The following RIPOR2 variants were observed in gnomAD, a reference collection of about 807,000 sequenced individuals.
RIPOR2 encodes rho family-interacting cell polarization regulator 2.
RIPOR2 carries 39 observed loss-of-function variants against 114.5 expected under a neutral mutation model. The ratio of observed to expected loss-of-function variants is 0.34; its 90% CI spans 0.26 to 0.44. The LOEUF is 0.44. Among genes scored for constraint, RIPOR2 ranks in the 20% least tolerant of loss-of-function variants. The probability of loss-of-function intolerance (pLI) is 1.00; values close to 1 mark genes in which losing one functional copy is unlikely to be tolerated. For missense variants in RIPOR2, 1,007 were observed against 1,255.1 expected (o/e 0.80, Z 2.99); for synonymous variants, 445 against 484.4 (o/e 0.92, Z 1.07).
chr6:24,894,041 A>C (rs920291289), intron 1 of RIPOR2, among the ~76,000 whole-genome samples: 1 of 152,160 alleles, frequency 6.6e-6, no homozygotes, highest in Non-Finnish European at 1.5e-5. Flanking sequence ...CGAGCTACCA[A>C]AGAATTTAGT....
intron 17 of RIPOR2, among the ~76,000 whole-genome samples, chr6:24,830,013 T>C (rs763303152): frequency 1.3e-5 from 2 of 152,212 alleles, no homozygotes; most frequent in Admixed American, 6.5e-5. Context: ...TCAGCTGGGC[T>C]GGAATGCAGT....
chr6:24,940,905 T>C (rs895880195), upstream of RIPOR2, among the ~76,000 whole-genome samples: 1 of 152,186 alleles, frequency 6.6e-6, no homozygotes, highest in Admixed American at 6.5e-5. Flanking sequence ...CTGCCCGCCT[T>C]GGCCTCCCAA....
At chr6:24,850,793 A>G (rs563472343) in intron 9 of RIPOR2, 71 bp from the exon 10 acceptor site, 1 of 1,563,220 alleles carries the variant, frequency 6.4e-7, no homozygotes, top group African/African-American at 1.4e-5. Flanking sequence ...CCAAGATCAA[A>G]AGGAGAAAGA....
At chr6:24,940,901 G>A (rs1418147490), upstream of RIPOR2, among the ~76,000 whole-genome samples, 1 of 152,268 alleles carries the variant, frequency 6.6e-6, no homozygotes, top group East Asian at 1.9e-4. Flanking sequence ...TGATCTGCCC[G>A]CCTTGGCCTC....
At chr6:24,888,729 A>G (rs1406637253) in intron 1 of RIPOR2, among the ~76,000 whole-genome samples, 1 of 152,248 alleles carries the variant, frequency 6.6e-6, no homozygotes, top group African/African-American at 2.4e-5. Context: ...ATAATCTTAA[A>G]TGAAAGCTTT....
Position 24,830,510 on chromosome 6 carries a change from T to C in RIPOR2, c.2505A>G (p.Pro835=), listed in dbSNP as rs974993488. 1.3e-6 allele frequency: 2 copies of C among 1,490,774 alleles called. No homozygotes were observed. The highest frequency in any genetic ancestry group is 1.8e-6 in the Non-Finnish European group (2 of 1,108,198). 92.3% of individuals were successfully genotyped at this position (1,490,774 alleles called of 1,614,324 possible). A position where few individuals can be genotyped will look rare whatever the true frequency, so the allele number is the denominator to read the frequency against. ...VNKEYPGLAD[P]VFRTLVSQIL... Reference sequence around the variant, plus strand: ...TCTCTCTCTACTGCTGCCTCATACCTGGGTCTGCAAGTCCTGGATATTCTT... The same window carrying C: ...TCTCTCTCTACTGCTGCCTCATACCCGGGTCTGCAAGTCCTGGATATTCTT... Residue 835 remains proline (P), a splice_region_variant and synonymous_variant, in exon 17 of 22, where the codon CCA becomes CCG. Transcript: ENST00000643898.
At chr6:24,809,983 G>T (rs1481977143) in intron 20 of RIPOR2, among the ~76,000 whole-genome samples, 176 bp from the exon 21 acceptor site, 2 of 152,108 alleles carry the variant, frequency 1.3e-5, no homozygotes, top group East Asian at 1.9e-4. Context: ...CAATTCTCCT[G>T]CCTCAGCCTC....
intron 1 of RIPOR2, among the ~76,000 whole-genome samples, chr6:25,005,029 ACACT>A (rs2113659677): frequency 8.1e-6 from 1 of 122,790 alleles, no homozygotes; most frequent in African/African-American, 3.1e-5. Flanking sequence ...ACACACACAC[ACACT>A]CTGCTGTGTC....
intron 1 of RIPOR2, among the ~76,000 whole-genome samples, chr6:24,986,104 A>G (rs1226239607): frequency 6.6e-6 from 1 of 152,190 alleles, no homozygotes; most frequent in African/African-American, 2.4e-5. Context: ...GTTGTGTGAT[A>G]TTAGTTGATA....
intron 1 of RIPOR2, chr6:24,947,856 G>A (rs558627932): frequency 2.0e-5 from 3 of 152,208 alleles, no homozygotes; most frequent in East Asian, 3.9e-4. Context: ...GTTAACTCTC[G>A]CATGTTTTAA....
At chr6:24,852,049 C>G (rs979704908) in intron 9 of RIPOR2, among the ~76,000 whole-genome samples, 1 of 152,104 alleles carries the variant, frequency 6.6e-6, no homozygotes, top group Middle Eastern at 3.4e-3. Context: ...CACTTGAGGT[C>G]AGGAGTTCAA....
At chr6:24,850,397 G>T (rs932785818) in intron 10 of RIPOR2, among the ~76,000 whole-genome samples, 200 bp downstream of exon 10, 1 of 152,034 alleles carries the variant, frequency 6.6e-6, no homozygotes, top group Non-Finnish European at 1.5e-5. Flanking sequence ...ACTACGCCTG[G>T]CCAGAGGTGG....
At chr6:24,911,587 G>A (rs1217603522) in intron 1 of RIPOR2, among the ~76,000 whole-genome samples, 1 of 152,114 alleles carries the variant, frequency 6.6e-6, no homozygotes, top group East Asian at 1.9e-4. Context: ...GGGCTGCTTT[G>A]GACACAGCTC....
intron 19 of RIPOR2, among the ~76,000 whole-genome samples, chr6:24,824,210 T>G (rs1185036293): frequency 6.6e-6 from 1 of 152,166 alleles, no homozygotes; most frequent in Admixed American, 6.5e-5. Flanking sequence ...TTCTCTCTTT[T>G]TGGTAGGAGG....
intron 1 of RIPOR2, among the ~76,000 whole-genome samples, chr6:24,923,696 A>G (rs1177763163): frequency 1.3e-5 from 2 of 152,012 alleles, no homozygotes; most frequent in Non-Finnish European, 2.9e-5. Context: ...AATACAAAAT[A>G]TTAGCAGGGG....
intron 16 of RIPOR2, 26 bp from the exon 17 acceptor site, chr6:24,830,696 C>A: frequency 6.5e-7 from 1 of 1,531,070 alleles, no homozygotes; most frequent in Non-Finnish European, 8.8e-7. Context: ...AACCCCCCAT[C>A]TCGTAACACA....
intron 1 of RIPOR2, among the ~76,000 whole-genome samples, chr6:24,964,036 T>G (rs1287660661): frequency 6.6e-6 from 1 of 152,020 alleles, no homozygotes; most frequent in Admixed American, 6.6e-5. Flanking sequence ...GGACTATAGG[T>G]GCTCACCACC....
chr6:25,019,968 C>T (rs1393199421), intron 1 of RIPOR2, among the ~76,000 whole-genome samples: 1 of 151,058 alleles, frequency 6.6e-6, no homozygotes, highest in Non-Finnish European at 1.5e-5. Flanking sequence ...TGGTGTGATC[C>T]CAGCTATTAT....
At chr6:24,860,142 A>G (rs1316634526) in intron 8 of RIPOR2, among the ~76,000 whole-genome samples, 2 of 152,228 alleles carry the variant, frequency 1.3e-5, no homozygotes, top group Non-Finnish European at 2.9e-5. Flanking sequence ...AATACCAGAA[A>G]GGCACTGGGA....
Sources: allele counts gnomAD v4.1 joint callset (sites outside exome capture counted in the v4.1 genomes callset), GRCh38; gene constraint gnomAD v4.1.1; transcripts MANE v1.5; gene names NCBI Gene and HGNC (gene_info 2026-07-23, HGNC 2026-07-21).